The following EIF2S3 variants were observed in gnomAD, a reference collection of about 807,000 sequenced individuals.
EIF2S3 encodes eukaryotic translation initiation factor 2 subunit gamma.
A neutral mutation model predicts 31.7 loss-of-function variants in EIF2S3; 2 were observed. The observed-to-expected ratio is 0.06, with a 90% confidence interval of 0.03 to 0.20. The LOEUF is 0.20. EIF2S3 is among the 10% of genes least tolerant of loss of function. EIF2S3 has a pLI of 1.00. For missense variants in EIF2S3, 96 were observed against 359.3 expected, an observed-to-expected ratio of 0.27 and a Z score of 5.92; for synonymous variants, 120 against 126.7, an observed-to-expected ratio of 0.95 and a Z score of 0.36.
intron 5 of EIF2S3, among the ~76,000 whole-genome samples, chrX:24,061,516 G>A (rs964099768): frequency 2.7e-5 from 3 of 109,349 alleles, no homozygotes; most frequent in Non-Finnish European, 5.7e-5. Flanking sequence ...CCGAGGTGAC[G>A]CCACTGCACT....
chrX:24,069,663 A>G (rs1230205291), intron 9 of EIF2S3, among the ~76,000 whole-genome samples: 1 of 102,806 alleles, frequency 9.7e-6, no homozygotes, highest in Non-Finnish European at 2.0e-5. Context: ...TTAAAAATTT[A>G]ACTTAAGGAA....
chrX:24,071,481 C>T (rs1930669837), intron 9 of EIF2S3, 77 bp from the exon 10 acceptor site: 2 of 1,076,123 alleles, frequency 1.9e-6, no homozygotes, highest in Middle Eastern at 3.3e-4. Flanking sequence ...TGAGCCACTG[C>T]ACCTGGCCAA....
At chrX:24,069,855 T>TAATAAA (rs1930638431) in intron 9 of EIF2S3, among the ~76,000 whole-genome samples, 1 of 108,151 alleles carries the variant, frequency 9.2e-6, no homozygotes, top group African/African-American at 3.4e-5. Flanking sequence ...CACAGCCAGC[T>TAATAAA]AATTTTTGTA....
rs1246106249 is a variant in EIF2S3 at position 24,076,807 on chromosome X, A to T, written c.*22A>T. ...CTGAAGAATACCAGTTAAATAATAC[A>T]TTCGGATGGATTTGGAAGTTGGAAT... is the stretch of plus-strand genomic sequence containing the variant. On this transcript the variant is annotated 3_prime_UTR_variant, in exon 12 of 12. Transcript: ENST00000253039. The T allele has an allele frequency of 1.7e-6, 2 of 1,169,648 alleles. No individual in the cohort carries two copies. The highest frequency in any genetic ancestry group is 4.9e-5 in the Admixed American group (2 of 40,438).
chrX:24,061,495 G>A (rs1346186815), intron 5 of EIF2S3, among the ~76,000 whole-genome samples: 1 of 108,855 alleles, frequency 9.2e-6, no homozygotes, highest in Non-Finnish European at 1.9e-5. Context: ...GGAGGCGGAG[G>A]TTGCAGTGAG....
intron 7 of EIF2S3, among the ~76,000 whole-genome samples, chrX:24,064,646 G>A (rs1930543687): frequency 1.8e-5 from 2 of 111,818 alleles, no homozygotes; most frequent in Admixed American, 9.6e-5. Flanking sequence ...TGATCAGCAT[G>A]GTGAAACCCT....
At chrX:24,071,519 A>G in intron 9 of EIF2S3, 39 bp from the exon 10 acceptor site, 1 of 1,174,135 alleles carries the variant, frequency 8.5e-7, no homozygotes, top group Non-Finnish European at 1.1e-6. Context: ...TGTTTTAGGA[A>G]ATAAAAAATT....
At position 24,076,921 on chromosome X, in the gene EIF2S3, A is replaced by ATT; in HGVS notation, c.*137_*138dup. 1 of 147,383 alleles carries ATT rather than the reference A, an allele frequency of 6.8e-6. No individual in the cohort carries two copies. Among genetic ancestry groups the ATT allele is most frequent in the Non-Finnish European group, 1.1e-5 (1 of 92,130 alleles). 12.1% of individuals were successfully genotyped at this position (147,383 alleles called of 1,213,427 possible). A position where few individuals can be genotyped will look rare whatever the true frequency, so the allele number is the denominator to read the frequency against. On this transcript the variant is annotated 3_prime_UTR_variant, in exon 12 of 12. Coordinates refer to ENST00000253039, the MANE Select transcript of EIF2S3 (RefSeq NM_001415.4). Reference sequence around the variant, plus strand: ...TACCTTAGTAGGTAACGGTAAGGTTATTCTCTTTTTTTTTTTTTTTTTTTT... The same window carrying ATT: ...TACCTTAGTAGGTAACGGTAAGGTTATTTTCTCTTTTTTTTTTTTTTTTTTTT...
rs1246422980 is a variant in EIF2S3, at chrX:24,057,515, T to C, written c.228T>C (p.Asn76=). 5 of 1,209,651 alleles carry C rather than the reference T, an allele frequency of 4.1e-6. No individual in the cohort carries two copies. The highest frequency in any genetic ancestry group is 5.6e-6 in the Non-Finnish European group (5 of 894,588). ...GGTTCAAAAATGAACTAGAAAGAAA[T>C]ATTACAATCAAGCTTGGATATGCTA... ...TVRFKNELER[N]ITIKLGYANA... is the part of the protein sequence containing the mutation. The change falls in exon 3 of 12, where the codon AAT becomes AAC. Residue 76 remains asparagine, a synonymous_variant. Coordinates refer to ENST00000253039, the MANE Select transcript of EIF2S3 (RefSeq NM_001415.4).
Position 24,062,088 on chromosome X carries a change from T to G in EIF2S3, c.479-328T>G, listed in dbSNP as rs181781000. On this transcript the variant is annotated intron_variant, in intron 5 of 11. Transcript: ENST00000253039. The stretch of plus-strand genomic sequence containing the variant: ...TCCTTTATTAGATGCCAACTTTTTT[T>G]GGGGCGGGGAGTGGGTGGCAAAAGA... Among the ~76,000 whole-genome samples, 496 of 111,267 alleles carry G rather than the reference T, an allele frequency of 4.5e-3. 2 individuals are homozygous for G. Among genetic ancestry groups the G allele is most frequent in the African/African-American group, 0.015 (471 of 30,644 alleles).
chrX:24,069,286 G>A (rs1244294504), intron 9 of EIF2S3, among the ~76,000 whole-genome samples: 2 of 107,163 alleles, frequency 1.9e-5, no homozygotes, highest in African/African-American at 6.8e-5. Context: ...GGAGGCTGAG[G>A]CATGAGAATC....
intron 5 of EIF2S3, 38 bp downstream of exon 5, chrX:24,060,220 G>T (rs767125268): frequency 1.4e-4 from 155 of 1,093,985 alleles, no homozygotes; most frequent in South Asian, 1.4e-3. Context: ...AATCAATGTG[G>T]AACAAATCCA....
At chrX:24,060,978 G>A (rs1210510020) in intron 5 of EIF2S3, among the ~76,000 whole-genome samples, 1 of 90,179 alleles carries the variant, frequency 1.1e-5, no homozygotes, top group Non-Finnish European at 2.1e-5. Flanking sequence ...AAAAGCGACT[G>A]GGCATGGTGG....
At chrX:24,055,112 C>T in intron 1 of EIF2S3, 75 bp downstream of exon 1, 1 of 1,100,742 alleles carries the variant, frequency 9.1e-7, no homozygotes, top group Admixed American at 2.2e-5. Context: ...GGTATTGGGA[C>T]TAGTCAGTGT....
At chrX:24,066,133 T>C in intron 8 of EIF2S3, 41 bp downstream of exon 8, 1 of 982,864 alleles carries the variant, frequency 1.0e-6, no homozygotes, top group Non-Finnish European at 1.4e-6. Context: ...GGTTTTTTTT[T>C]TTTGTTGTTT....
Position 24,077,883 on chromosome X carries a change from CTG to C in EIF2S3, c.*1100_*1101del, listed in dbSNP as rs767019726. On this transcript the variant is annotated 3_prime_UTR_variant, in exon 12 of 12. Coordinates refer to ENST00000253039, the MANE Select transcript of EIF2S3 (RefSeq NM_001415.4). ...GCCTTCATTTTATGTTTTTTCTTAA[CTG>C]TTATATTATGATTGTGACATAGATT... is the stretch of plus-strand genomic sequence containing the variant. 3 of 111,852 alleles carry C rather than the reference CTG, an allele frequency of 2.7e-5. No homozygotes were observed. The highest frequency in any genetic ancestry group is 9.7e-5 in the African/African-American group (3 of 30,892). 9.2% of individuals were successfully genotyped at this position (111,852 alleles called of 1,213,427 possible). A position where few individuals can be genotyped will look rare whatever the true frequency, so the allele number is the denominator to read the frequency against.
rs1295914472 is a variant in EIF2S3, at chrX:24,057,650, C to T, written c.279C>T (p.Asp93=). ...AATTTTAGATTTATAAGCTTGATGACCCAAGTTGCCCTCGGCCAGAATGTT... is the reference window on the plus strand; with the variant it reads ...AATTTTAGATTTATAAGCTTGATGATCCAAGTTGCCCTCGGCCAGAATGTT... ...YANAKIYKLD[D]PSCPRPECYR... is the part of the protein sequence containing the mutation. The change falls in exon 4 of 12, where the codon GAC becomes GAT. Residue 93 remains aspartate, a synonymous_variant. Transcript: ENST00000253039. 1.7e-6 allele frequency: 2 copies of T among 1,209,691 alleles called. No individual in the cohort carries two copies. The highest frequency in any genetic ancestry group is 4.4e-5 in the Admixed American group (2 of 45,513).
chrX:24,063,980 A>G (rs752156442), intron 6 of EIF2S3, among the ~76,000 whole-genome samples: 43 of 111,952 alleles, frequency 3.8e-4, no homozygotes, highest in African/African-American at 1.4e-3. Context: ...TAATGTAACA[A>G]ATTTTCTCTT....
At position 24,078,649 on chromosome X, in the gene EIF2S3, C is replaced by T. The variant is rs908400426; in HGVS notation, c.*1864C>T. On this transcript the variant is annotated 3_prime_UTR_variant, in exon 12 of 12. Transcript: ENST00000253039. ...GATGGGATTTGAAGCATATTGTGCT[C>T]TTGTGAATGTTGAAGTTGCATTGTA... 8.9e-6 allele frequency among the ~76,000 whole-genome samples: 1 copy of T among 111,910 alleles called. No homozygotes were observed. Among genetic ancestry groups the T allele is most frequent in the African/African-American group, 3.2e-5 (1 of 30,852 alleles).
Sources: allele counts gnomAD v4.1 joint callset (sites outside exome capture counted in the v4.1 genomes callset), GRCh38; gene constraint gnomAD v4.1.1; transcripts MANE v1.5; gene names NCBI Gene and HGNC (gene_info 2026-07-23, HGNC 2026-07-21).